Variants in PTPN4 observed in about 807,000 individuals in gnomAD.
PTPN4 encodes the protein tyrosine-protein phosphatase non-receptor type 4.
A neutral mutation model predicts 135.5 loss-of-function variants in PTPN4; 49 were observed. The ratio of observed to expected loss-of-function variants is 0.36; its 90% CI spans 0.29 to 0.46. The LOEUF is 0.46. Among genes scored for constraint, PTPN4 ranks in the 20% least tolerant of loss-of-function variants. The probability of loss-of-function intolerance (pLI) is 1.00; values close to 1 mark genes in which losing one functional copy is unlikely to be tolerated. For synonymous variants in PTPN4, 333 were observed against 369.9 expected (o/e 0.90, Z 1.14); for missense variants, 860 against 1,101.0 (o/e 0.78, Z 3.10).
At chr2:119,778,872 A>C (rs1192848021) in intron 1 of PTPN4, among the ~76,000 whole-genome samples, 3 of 151,688 alleles carry the variant, frequency 2.0e-5, no homozygotes, top group Admixed American at 6.6e-5. Flanking sequence ...AGTGTTACGC[A>C]TTCCTGTTTC....
At chr2:119,782,092 A>G (rs2104928837) in intron 1 of PTPN4, among the ~76,000 whole-genome samples, 1 of 152,276 alleles carries the variant, frequency 6.6e-6, no homozygotes, top group East Asian at 1.9e-4. Context: ...TAGGATAACC[A>G]CTAGCCAAAT....
At chr2:119,810,872 C>T (rs112540069) in intron 2 of PTPN4, among the ~76,000 whole-genome samples, 3,530 of 151,910 alleles carry the variant, frequency 0.023, 128 homozygotes, top group African/African-American at 0.077. Flanking sequence ...TTCAGTATTC[C>T]GAGAATCTCA....
chr2:119,783,959 G>A (rs116481147), intron 1 of PTPN4, among the ~76,000 whole-genome samples: 12 of 152,236 alleles, frequency 7.9e-5, no homozygotes, highest in African/African-American at 2.4e-4. Context: ...GATCCACTTC[G>A]CAGATTGCTT....
At chr2:119,769,793 C>CA (rs1690701642) in intron 1 of PTPN4, among the ~76,000 whole-genome samples, 2 of 152,190 alleles carry the variant, frequency 1.3e-5, no homozygotes, top group Non-Finnish European at 1.5e-5. Flanking sequence ...CACCTACTAT[C>CA]AAAAAAATGC....
intron 8 of PTPN4, among the ~76,000 whole-genome samples, chr2:119,882,962 G>T (rs1439670519): frequency 6.6e-6 from 1 of 152,074 alleles, no homozygotes; most frequent in African/African-American, 2.4e-5. Flanking sequence ...TAGGTATAAA[G>T]GACTTGATTC....
At position 119,770,903 on chromosome 2, in the gene PTPN4, G is replaced by A. The variant is rs1405189447; in HGVS notation, c.-18+10519G>A. Among the ~76,000 whole-genome samples, 64 of 144,846 alleles carry A rather than the reference G, an allele frequency of 4.4e-4. No individual in the cohort carries two copies. The East Asian group carries it at 4.8e-3, about 11-fold the overall frequency. On this transcript the variant is annotated intron_variant, in intron 1 of 26. Transcript: ENST00000263708. ...CTTTTTTTTTTTTTTTTTTTGAGAC[G>A]GAGTCTCGCTCTGTCGCTCAGGCTG...
chr2:119,859,350 C>T (rs960185254), intron 2 of PTPN4, among the ~76,000 whole-genome samples: 13 of 152,150 alleles, frequency 8.5e-5, no homozygotes, highest in African/African-American at 2.4e-4. Context: ...CATTTTGTTA[C>T]GAGACTTTGG....
intron 2 of PTPN4, among the ~76,000 whole-genome samples, chr2:119,847,017 C>G (rs970737025): frequency 6.6e-6 from 1 of 150,732 alleles, no homozygotes; most frequent in Non-Finnish European, 1.5e-5. Context: ...GAGAGGAGAG[C>G]AAGTATGTAT....
At chr2:119,869,229 T>C (rs1677874544) in intron 3 of PTPN4, among the ~76,000 whole-genome samples, 1 of 152,232 alleles carries the variant, frequency 6.6e-6, no homozygotes, top group Non-Finnish European at 1.5e-5. Flanking sequence ...AGTGGTTGCC[T>C]AGGATTTGGC....
Position 119,789,805 on chromosome 2 carries a change from C to A in PTPN4, c.-17-20032C>A, listed in dbSNP as rs567820963. ...TGGTGTGATCTCGGCTCAGTGCAAC[C>A]TCTGCCTCCCAGGTTCAAGTGATTC... On this transcript the variant is annotated intron_variant, in intron 1 of 26. Transcript: ENST00000263708. Among the ~76,000 whole-genome samples the A allele has an allele frequency of 2.0e-5, 3 of 151,790 alleles. No homozygotes were observed. The South Asian group carries it at 6.3e-4, about 32-fold the overall frequency.
chr2:119,823,265 C>T (rs550711965), intron 2 of PTPN4, among the ~76,000 whole-genome samples: 12 of 149,356 alleles, frequency 8.0e-5, no homozygotes, highest in Admixed American at 6.7e-4. Flanking sequence ...GACGCAGTCT[C>T]GCTCTGTCGC....
intron 1 of PTPN4, among the ~76,000 whole-genome samples, chr2:119,806,607 G>C (rs1185377988): frequency 6.6e-6 from 1 of 152,124 alleles, no homozygotes; most frequent in East Asian, 1.9e-4. Context: ...AAGAGACTTA[G>C]ACTCCCACAC....
Position 119,967,912 on chromosome 2 carries a change from T to C in PTPN4, c.2634T>C (p.Val878=), listed in dbSNP as rs1203765239. The C allele has an allele frequency of 1.4e-5, 23 of 1,611,470 alleles. No individual in the cohort carries two copies. The highest frequency in any genetic ancestry group is 2.0e-5 in the Non-Finnish European group (23 of 1,178,060). Residue 878 remains valine, a synonymous_variant, in exon 26 of 27, where the codon GTT becomes GTC. Coordinates refer to ENST00000263708, the MANE Select transcript of PTPN4 (RefSeq NM_002830.4). ...GTCTCATTGAATGCAATCAGCCAGT[T>C]TATCCACTAGATATTGTAAGAACAA... The part of the protein sequence containing the change: ...AMCLIECNQP[V]YPLDIVRTMR...
intron 9 of PTPN4, among the ~76,000 whole-genome samples, chr2:119,892,285 A>T (rs914497129): frequency 6.6e-6 from 1 of 152,186 alleles, no homozygotes; most frequent in Non-Finnish European, 1.5e-5. Flanking sequence ...AAAATGTTCT[A>T]TATATTGGTT....
At chr2:119,890,034 T>C (rs1355872000) in intron 9 of PTPN4, among the ~76,000 whole-genome samples, 2 of 152,242 alleles carry the variant, frequency 1.3e-5, no homozygotes, top group Non-Finnish European at 2.9e-5. Context: ...TTGGTCCATT[T>C]GATCTAATGT....
chr2:119,895,970 A>G (rs547619717), intron 9 of PTPN4, among the ~76,000 whole-genome samples: 1 of 152,202 alleles, frequency 6.6e-6, no homozygotes, highest in East Asian at 1.9e-4. Flanking sequence ...AGAAAGTGAA[A>G]TGAACAATTA....
In PTPN4 at chr2:119,984,611, T is replaced by C. The variant is rs567110612; in HGVS notation, c.*7541T>C. Among the ~76,000 whole-genome samples, 2 of 152,358 alleles carry C rather than the reference T, an allele frequency of 1.3e-5. No homozygotes were observed. Among genetic ancestry groups the C allele is most frequent in the East Asian group, 3.9e-4 (2 of 5,194 alleles). On this transcript the variant is annotated 3_prime_UTR_variant, in exon 27 of 27. Transcript: ENST00000263708. ...GCATTTGTCACTGCAGCTTACTGTATGCTTGAAAGGCCTTGTGTGTTTGTC... is the reference window on the plus strand; with the variant it reads ...GCATTTGTCACTGCAGCTTACTGTACGCTTGAAAGGCCTTGTGTGTTTGTC...
chr2:119,790,490 AATTAGT>A (rs1277154467), intron 1 of PTPN4, among the ~76,000 whole-genome samples: 23 of 151,792 alleles, frequency 1.5e-4, no homozygotes, highest in Admixed American at 3.3e-4. Context: ...TTTTGACTGA[AATTAGT>A]ATTAGTATAG....
intron 9 of PTPN4, among the ~76,000 whole-genome samples, chr2:119,892,708 T>C (rs1278259899): frequency 1.3e-5 from 2 of 151,898 alleles, no homozygotes; most frequent in Non-Finnish European, 2.9e-5. Context: ...TTTAAGACTT[T>C]TTTTTTTTTT....
Sources: allele counts gnomAD v4.1 joint callset (sites outside exome capture counted in the v4.1 genomes callset), GRCh38; gene constraint gnomAD v4.1.1; transcripts MANE v1.5; gene names NCBI Gene and HGNC (gene_info 2026-07-23, HGNC 2026-07-21).